Variants in CCDC141 observed in about 807,000 individuals in gnomAD.
The protein encoded by CCDC141 is coiled-coil domain containing 141, also known as coiled-coil domain-containing protein 141.
CCDC141 carries 168 observed loss-of-function variants against 181.0 expected under a neutral mutation model. That is an observed-to-expected ratio of 0.93 (90% CI 0.82 to 1.05). CCDC141 has a LOEUF of 1.05. Among genes scored for constraint, CCDC141 ranks in the 50% least tolerant of loss-of-function variants. The pLI is 0.00. For missense variants in CCDC141, 1,902 were observed against 1,788.5 expected, an observed-to-expected ratio of 1.06 and a Z score of -1.14; for synonymous variants, 666 against 642.3, an observed-to-expected ratio of 1.04 and a Z score of -0.56.
intron 21 of CCDC141, among the ~76,000 whole-genome samples, chr2:178,846,807 T>G (rs1397720964): frequency 6.6e-6 from 1 of 152,218 alleles, no homozygotes; most frequent in African/African-American, 2.4e-5. Flanking sequence ...TCTTTTCGTC[T>G]CAACATTATT....
At position 178,831,042 on chromosome 2, in the gene CCDC141, T is replaced by C. The variant is rs1172943559; in HGVS notation, c.*3131A>G. 1 of 152,194 alleles carries C rather than the reference T, an allele frequency of 6.6e-6. No individual in the cohort carries two copies. The highest frequency in any genetic ancestry group is 1.5e-5 in the Non-Finnish European group (1 of 68,044). The allele number at this position is 152,194 out of a possible 1,614,324, so 9.4% of individuals were successfully genotyped here. ...TTGAGCAAAGCAGTTAGAAGGGTCT[T>C]GTAGTCATCTATTTTAAGTATGTGT... On this transcript the variant is annotated 3_prime_UTR_variant, in exon 24 of 24. Transcript: ENST00000443758.
intron 23 of CCDC141, chr2:178,835,763 T>C (rs936352848): frequency 7.2e-5 from 11 of 152,442 alleles, no homozygotes; most frequent in African/African-American, 2.4e-4. Flanking sequence ...ACATTTTTCT[T>C]TGGAGTGAAC....
intron 8 of CCDC141, among the ~76,000 whole-genome samples, chr2:178,904,806 C>A (rs1687883229): frequency 6.6e-6 from 1 of 152,114 alleles, no homozygotes; most frequent in African/African-American, 2.4e-5. Flanking sequence ...ACAGGCCCAC[C>A]TAGAGCACTG....
chr2:178,819,910 A>G, the CCDC141 span, among the ~76,000 whole-genome samples: 3 of 152,186 alleles, frequency 2.0e-5, no homozygotes, highest in Non-Finnish European at 4.4e-5. Flanking sequence ...ACAGTTTTTT[A>G]TATAGAACAT....
At chr2:178,834,485 C>G in intron 23 of CCDC141, 45 bp from the exon 24 acceptor site, 2 of 1,525,882 alleles carry the variant, frequency 1.3e-6, no homozygotes, top group Admixed American at 2.0e-5. Flanking sequence ...GCTGTTTATT[C>G]ACATTATTTC....
intron 4 of CCDC141, among the ~76,000 whole-genome samples, chr2:178,971,356 CA>C (rs2154380009): frequency 6.6e-6 from 1 of 152,294 alleles, no homozygotes; most frequent in African/African-American, 2.4e-5. Context: ...AAATGCAAAT[CA>C]AAACCACAAT....
At chr2:178,983,622 G>T (rs1433905017) in intron 2 of CCDC141, among the ~76,000 whole-genome samples, 1 of 146,914 alleles carries the variant, frequency 6.8e-6, no homozygotes, top group Admixed American at 6.8e-5. Flanking sequence ...GTGCTTAAAG[G>T]AGCTGATGGA....
chr2:178,973,956 T>C (rs560970652), intron 4 of CCDC141, among the ~76,000 whole-genome samples: 102 of 152,322 alleles, frequency 6.7e-4, no homozygotes, highest in African/African-American at 2.4e-3. Context: ...GCACAAACTT[T>C]TGATGCTTTT....
chr2:178,927,150 C>T (rs1226626765), intron 6 of CCDC141, among the ~76,000 whole-genome samples: 1 of 152,106 alleles, frequency 6.6e-6, no homozygotes, highest in Admixed American at 6.6e-5. Context: ...TTTTTCAACT[C>T]ATCTTTTTGC....
chr2:178,902,014 AAG>A (rs1424423515), intron 8 of CCDC141, among the ~76,000 whole-genome samples: 5 of 152,176 alleles, frequency 3.3e-5, no homozygotes, highest in Admixed American at 2.0e-4. Flanking sequence ...AATTGCTTCA[AAG>A]AGAATAAAAT....
intron 2 of CCDC141, among the ~76,000 whole-genome samples, chr2:179,029,110 G>T (rs969141054): frequency 3.9e-5 from 6 of 152,038 alleles, no homozygotes; most frequent in African/African-American, 1.4e-4. Flanking sequence ...AATATCTCAG[G>T]ATATTTGCTA....
chr2:178,885,566 AG>A (rs1439815121), intron 10 of CCDC141, among the ~76,000 whole-genome samples: 2 of 152,202 alleles, frequency 1.3e-5, no homozygotes, highest in Non-Finnish European at 2.9e-5. Context: ...ATCTCTATCT[AG>A]AAGGGCCAGT....
chr2:178,920,966 A>AT (rs1210689740), intron 6 of CCDC141, among the ~76,000 whole-genome samples: 9 of 152,104 alleles, frequency 5.9e-5, no homozygotes, highest in African/African-American at 2.2e-4. Flanking sequence ...AGATATTATT[A>AT]TTTTTTCTAG....
chr2:178,843,650 T>C (rs553284240), intron 22 of CCDC141, among the ~76,000 whole-genome samples: 1 of 152,352 alleles, frequency 6.6e-6, no homozygotes, highest in Admixed American at 6.5e-5. Flanking sequence ...TCAGTGGAAC[T>C]ATTCTTTCCA....
intron 4 of CCDC141, among the ~76,000 whole-genome samples, chr2:178,972,884 C>A (rs925776149): frequency 2.0e-5 from 3 of 152,090 alleles, no homozygotes; most frequent in East Asian, 1.9e-4. Flanking sequence ...TATTAGGGAG[C>A]CTTAGCACTG....
At chr2:178,958,358 A>G (rs1690247098) in intron 5 of CCDC141, among the ~76,000 whole-genome samples, 1 of 152,150 alleles carries the variant, frequency 6.6e-6, no homozygotes, top group Non-Finnish European at 1.5e-5. Context: ...TAAACAAGCT[A>G]TTCTGAGGGG....
chr2:179,015,358 T>TCTCATATATGTATCATACATATC (rs1559049447), intron 2 of CCDC141, among the ~76,000 whole-genome samples: 13 of 139,186 alleles, frequency 9.3e-5, no homozygotes, highest in African/African-American at 1.9e-4. Context: ...ATCATACATA[T>TCTCATATATGTATCATACATATC]CCCATATATG....
rs534075890 is a variant in CCDC141, at chr2:178,901,451, T to C, written c.1265+3878A>G. ...TCCCTGGGATGCAAGGCTGGTTCAATATACGCAAATCAATAAATGTAATCC... is the reference window on the plus strand; with the variant it reads ...TCCCTGGGATGCAAGGCTGGTTCAACATACGCAAATCAATAAATGTAATCC... On this transcript the variant is annotated intron_variant, in intron 8 of 23. Transcript: ENST00000443758. Among the ~76,000 whole-genome samples the C allele has an allele frequency of 3.3e-5, 5 of 152,130 alleles. No individual in the cohort carries two copies. The East Asian group carries it at 7.7e-4, about 24-fold the overall frequency.
At chr2:178,983,890 T>C (rs1028360172) in intron 2 of CCDC141, among the ~76,000 whole-genome samples, 3 of 150,494 alleles carry the variant, frequency 2.0e-5, no homozygotes, top group Non-Finnish European at 4.4e-5. Flanking sequence ...GAAAACACTC[T>C]GCAGGATATT....
Sources: allele counts gnomAD v4.1 joint callset (sites outside exome capture counted in the v4.1 genomes callset), GRCh38; gene constraint gnomAD v4.1.1; transcripts MANE v1.5; gene names NCBI Gene and HGNC (gene_info 2026-07-23, HGNC 2026-07-21).